The following NPLOC4 variants were observed in gnomAD, a reference collection of about 807,000 sequenced individuals.
The protein encoded by NPLOC4 is NPL4 homolog, ubiquitin recognition factor.
A neutral mutation model predicts 80.6 loss-of-function variants in NPLOC4; 18 were observed. That is an observed-to-expected ratio of 0.22 (90% CI 0.15 to 0.33). The LOEUF is 0.33. Ranked by LOEUF, NPLOC4 falls within the 10% of genes least tolerant of loss-of-function variation. The probability of loss-of-function intolerance (pLI) is 1.00; values close to 1 mark genes in which losing one functional copy is unlikely to be tolerated. For synonymous variants in NPLOC4, 313 were observed against 301.5 expected, an observed-to-expected ratio of 1.04 and a Z score of -0.39; for missense variants, 540 against 786.1, an observed-to-expected ratio of 0.69 and a Z score of 3.74.
At position 81,559,166 on chromosome 17, in the gene NPLOC4, T is replaced by A; in HGVS notation, c.*93A>T. 7.2e-7 allele frequency: 1 copy of A among 1,393,540 alleles called. No individual in the cohort carries two copies. 86.3% of individuals were successfully genotyped at this position (1,393,540 alleles called of 1,614,324 possible). A position where few individuals can be genotyped will look rare whatever the true frequency, so the allele number is the denominator to read the frequency against. ...CCCTTGTTCCTCCAGGGCTGCCCAC[T>A]ATGGGGCAGTTACAGGGAACACACT... On this transcript the variant is annotated 3_prime_UTR_variant, in exon 17 of 17. Coordinates refer to ENST00000331134, the MANE Select transcript of NPLOC4 (RefSeq NM_017921.4).
intron 11 of NPLOC4, among the ~76,000 whole-genome samples, chr17:81,592,296 A>G (rs1205963647): frequency 1.3e-5 from 2 of 152,194 alleles, no homozygotes; most frequent in African/African-American, 2.4e-5. Flanking sequence ...ACCCTAACAC[A>G]GGGGAAAGAG....
At position 81,615,903 on chromosome 17, in the gene NPLOC4, C is replaced by G. The variant is rs139974685; in HGVS notation, c.210-2409G>C. 5.5e-3 allele frequency among the ~76,000 whole-genome samples: 836 copies of G among 152,364 alleles called. 11 individuals are homozygous for G. Among genetic ancestry groups the G allele is most frequent in the African/African-American group, 0.019 (785 of 41,570 alleles). On this transcript the variant is annotated intron_variant, in intron 3 of 16. Transcript: ENST00000331134. ...GGCCTGCTGGGCCATGCATCTGGAG[C>G]AGAACCAGGGATGATGCCATTTGGT...
chr17:81,611,532 T>C (rs894532417), intron 4 of NPLOC4, among the ~76,000 whole-genome samples: 4 of 151,358 alleles, frequency 2.6e-5, no homozygotes, highest in Non-Finnish European at 5.9e-5. Context: ...GTATTTTTAG[T>C]AGAGACGGGA....
At chr17:81,585,102 G>A (rs146893806) in intron 12 of NPLOC4, among the ~76,000 whole-genome samples, 1,730 of 143,612 alleles carry the variant, frequency 0.012, 95 homozygotes, top group East Asian at 0.12. Context: ...CCCGGGAGGC[G>A]GAGGTTGCAG....
chr17:81,614,141 G>T (rs1366272886), intron 3 of NPLOC4, among the ~76,000 whole-genome samples: 1 of 151,922 alleles, frequency 6.6e-6, no homozygotes, highest in Non-Finnish European at 1.5e-5. Context: ...GCTGGGCGTG[G>T]TGGCGCACGC....
chr17:81,576,408 AT>A lies in NPLOC4; in HGVS notation c.1282-4321del, dbSNP rs144509347. 5.9e-3 allele frequency among the ~76,000 whole-genome samples: 896 copies of A among 152,248 alleles called. 6 individuals carry two copies. Among genetic ancestry groups the A allele is most frequent in the Non-Finnish European group, 9.6e-3 (650 of 68,016 alleles). On this transcript the variant is annotated intron_variant, in intron 12 of 16. Coordinates refer to ENST00000331134, the MANE Select transcript of NPLOC4 (RefSeq NM_017921.4). Reference sequence around the variant, plus strand: ...ACAGTATTCGAGGGCTAGGAAACTCATGTATACGGAGGTCTAACTTTACATA... The same window carrying A: ...ACAGTATTCGAGGGCTAGGAAACTCAGTATACGGAGGTCTAACTTTACATA...
At chr17:81,618,783 G>C (rs928464289) in intron 3 of NPLOC4, among the ~76,000 whole-genome samples, 2 of 152,060 alleles carry the variant, frequency 1.3e-5, no homozygotes, top group Non-Finnish European at 2.9e-5. Context: ...GTGGGGAAAA[G>C]ATTGAGAAAT....
At chr17:81,616,174 A>T (rs1402232753) in intron 3 of NPLOC4, among the ~76,000 whole-genome samples, 1 of 151,364 alleles carries the variant, frequency 6.6e-6, no homozygotes, top group African/African-American at 2.4e-5. Context: ...AAAAAAAATT[A>T]GCCGGGGGTG....
In NPLOC4 at chr17:81,559,147, T is replaced by C. The variant is rs1407672713; in HGVS notation, c.*112A>G. 3 of 1,240,650 alleles carry C rather than the reference T, an allele frequency of 2.4e-6. No individual in the cohort carries two copies. In the Admixed American group the frequency reaches 8.6e-5, roughly 35 times the overall value. 76.9% of individuals were successfully genotyped at this position (1,240,650 alleles called of 1,614,324 possible). Reference sequence around the variant, plus strand: ...GGAGCCCAGGACAGCCAGCCCCTTGTTCCTCCAGGGCTGCCCACTATGGGG... The same window carrying C: ...GGAGCCCAGGACAGCCAGCCCCTTGCTCCTCCAGGGCTGCCCACTATGGGG... On this transcript the variant is annotated 3_prime_UTR_variant, in exon 17 of 17. Transcript: ENST00000331134.
chr17:81,631,408 A>T (rs1192104627), intron 1 of NPLOC4, among the ~76,000 whole-genome samples: 1 of 137,360 alleles, frequency 7.3e-6, no homozygotes. Flanking sequence ...GCATATATGC[A>T]TATTAAAGTG....
At chr17:81,619,553 GAAA>G (rs34176297) in intron 3 of NPLOC4, among the ~76,000 whole-genome samples, 3 of 107,034 alleles carry the variant, frequency 2.8e-5, no homozygotes, top group Admixed American at 9.3e-5. Flanking sequence ...TCTGTCTCAA[GAAA>G]AAAAAAAAAA....
intron 12 of NPLOC4, among the ~76,000 whole-genome samples, chr17:81,575,755 G>A (rs562139215): frequency 9.3e-4 from 142 of 152,256 alleles, no homozygotes; most frequent in Non-Finnish European, 1.7e-3. Context: ...GTTGAGGCTC[G>A]GACCCCAACA....
At chr17:81,586,427 T>C (rs756798454) in intron 12 of NPLOC4, among the ~76,000 whole-genome samples, 2 of 151,942 alleles carry the variant, frequency 1.3e-5, no homozygotes, top group Non-Finnish European at 2.9e-5. Flanking sequence ...CTGGCCAACA[T>C]GGTAAAACAC....
At position 81,582,751 on chromosome 17, in the gene NPLOC4, C is replaced by T. The variant is rs2034477502; in HGVS notation, c.1281+6193G>A. Among the ~76,000 whole-genome samples the T allele has an allele frequency of 4.6e-5, 7 of 152,346 alleles. No homozygotes were observed. In the South Asian group the frequency reaches 1.4e-3, roughly 32 times the overall value. On this transcript the variant is annotated intron_variant, in intron 12 of 16. Transcript: ENST00000331134. ...AAGACAGAAGACAGTCAAGCGCCTCCTGGCTGTACAACAGTCTACGAGTGT... is the reference window on the plus strand; with the variant it reads ...AAGACAGAAGACAGTCAAGCGCCTCTTGGCTGTACAACAGTCTACGAGTGT...
intron 11 of NPLOC4, among the ~76,000 whole-genome samples, chr17:81,595,604 GCA>G (rs1446710075): frequency 6.6e-6 from 1 of 150,836 alleles, no homozygotes; most frequent in Admixed American, 6.6e-5. Flanking sequence ...GAGTGCACTG[GCA>G]CAAACTCAGC....
chr17:81,627,170 C>T (rs1046163834), intron 2 of NPLOC4, among the ~76,000 whole-genome samples: 3 of 151,594 alleles, frequency 2.0e-5, no homozygotes, highest in African/African-American at 7.3e-5. Flanking sequence ...GCAGGCGGAT[C>T]ATGAGGTCAG....
chr17:81,585,547 A>C (rs948724554), intron 12 of NPLOC4, among the ~76,000 whole-genome samples: 15 of 151,084 alleles, frequency 9.9e-5, no homozygotes, highest in African/African-American at 2.9e-4. Flanking sequence ...CTGTAATCCC[A>C]GCTACTCGGG....
chr17:81,591,363 T>G (rs973341602), intron 11 of NPLOC4, among the ~76,000 whole-genome samples: 1 of 141,878 alleles, frequency 7.0e-6, no homozygotes, highest in African/African-American at 2.6e-5. Context: ...TGACCCCAGG[T>G]AGCAGAGGCT....
At chr17:81,630,483 A>AT (rs1323478570) in intron 1 of NPLOC4, among the ~76,000 whole-genome samples, 4 of 151,798 alleles carry the variant, frequency 2.6e-5, no homozygotes, top group Admixed American at 6.6e-5. Flanking sequence ...GGAGTGTCAT[A>AT]TTTCCCAGGC....
Sources: gnomAD v4.1 joint callset for allele counts (sites outside exome capture counted in the v4.1 genomes callset) on GRCh38, gnomAD v4.1.1 for gene constraint, MANE v1.5 for transcripts, NCBI Gene and HGNC (gene_info 2026-07-23, HGNC 2026-07-21) for gene names.